The following ACAT1 variants were observed in gnomAD, a reference collection of about 807,000 sequenced individuals.
The protein encoded by ACAT1 is acetyl-CoA acetyltransferase, mitochondrial.
Under a neutral mutation model 47.3 loss-of-function variants are expected in ACAT1, and 28 were observed. The ratio of observed to expected loss-of-function variants is 0.59; its 90% CI spans 0.44 to 0.81. The LOEUF (loss-of-function observed/expected upper bound fraction) is 0.81, where lower values mean the gene tolerates loss of function less well. Among genes scored for constraint, ACAT1 ranks in the 30% least tolerant of loss-of-function variants. The pLI is 0.00. For synonymous variants in ACAT1, 181 were observed against 173.6 expected (o/e 1.04, Z -0.34); for missense variants, 469 against 524.3 (o/e 0.89, Z 1.03).
At chr11:108,124,373 C>T (rs529530652) in intron 1 of ACAT1, among the ~76,000 whole-genome samples, 1 of 152,186 alleles carries the variant, frequency 6.6e-6, no homozygotes, top group Non-Finnish European at 1.5e-5. Context: ...AAGCAGTTCT[C>T]CTGCCTCAGC....
intron 4 of ACAT1, 148 bp downstream of exon 4, chr11:108,134,464 GA>G (rs759335345): frequency 2.5e-4 from 142 of 577,524 alleles, no homozygotes; most frequent in Admixed American, 4.4e-4. Context: ...CCAACATGGT[GA>G]AACCCCGTCT....
At position 108,147,385 on chromosome 11, in the gene ACAT1, C is replaced by A. The variant is rs201500937; in HGVS notation, c.1279C>A (p.Leu427Met). Residue 427 changes from leucine to methionine, a missense_variant, in exon 12 of 12, where the codon CTG (leucine) becomes ATG (methionine). By Grantham distance (15) the Leu-to-Met change is conservative. Coordinates refer to ENST00000265838, the MANE Select transcript of ACAT1 (RefSeq NM_000019.4). ...GGASAMLIQK[L>M] ...TGCTTCTGCCATGCTAATTCAGAAG[C>A]TGTAGACAACCTCTGCTATTTAAGG... 3.3e-5 allele frequency: 54 copies of A among 1,613,298 alleles called. No homozygotes were observed. Among genetic ancestry groups the A allele is most frequent in the Admixed American group, 1.2e-4 (7 of 59,982 alleles).
intron 1 of ACAT1, among the ~76,000 whole-genome samples, chr11:108,122,998 G>C (rs1161173307): frequency 6.6e-6 from 1 of 152,168 alleles, no homozygotes; most frequent in Non-Finnish European, 1.5e-5. Context: ...GCCGGGGTGG[G>C]TAGATCATTT....
intron 5 of ACAT1, among the ~76,000 whole-genome samples, chr11:108,135,446 T>C (rs1037815019): frequency 6.6e-6 from 1 of 151,942 alleles, no homozygotes; most frequent in Non-Finnish European, 1.5e-5. Context: ...ATCATGTCTG[T>C]AAGCACTTTG....
At chr11:108,120,491 T>C (rs952336827), upstream of ACAT1, among the ~76,000 whole-genome samples, 1 of 151,516 alleles carries the variant, frequency 6.6e-6, no homozygotes, top group Non-Finnish European at 1.5e-5. Context: ...CAGTGAGATA[T>C]GATTGCACCA....
rs111849528 is a variant in ACAT1, at chr11:108,147,256, T to C, written c.1164-14T>C. On this transcript the variant is annotated splice_polypyrimidine_tract_variant and intron_variant, in intron 11 of 11. Coordinates refer to ENST00000265838, the MANE Select transcript of ACAT1 (RefSeq NM_000019.4). Reference sequence around the variant, plus strand: ...TGTACTTCATTAAAGAAGTAAATGCTTTCTTAATTTTAGGATGTCTGGAGC... The same window carrying C: ...TGTACTTCATTAAAGAAGTAAATGCCTTCTTAATTTTAGGATGTCTGGAGC... 3.3e-5 allele frequency: 54 copies of C among 1,613,566 alleles called. No individual in the cohort carries two copies. In the African/African-American group the frequency reaches 5.6e-4, roughly 17 times the overall value.
At chr11:108,134,806 G>C (rs540650062) in intron 4 of ACAT1, among the ~76,000 whole-genome samples, 54 of 150,918 alleles carry the variant, frequency 3.6e-4, no homozygotes, top group African/African-American at 1.3e-3. Flanking sequence ...TTAGTTGGGC[G>C]TGGTGGCCAG....
chr11:108,121,006 G>T (rs564320702), upstream of ACAT1, among the ~76,000 whole-genome samples: 13 of 152,152 alleles, frequency 8.5e-5, no homozygotes, highest in African/African-American at 2.9e-4. Flanking sequence ...TTCAAGACCA[G>T]TCTGGCCAAC....
At chr11:108,131,831 C>T (rs2077365909) in intron 1 of ACAT1, 76 bp from the exon 2 acceptor site, 3 of 684,570 alleles carry the variant, frequency 4.4e-6, no homozygotes, top group Non-Finnish European at 6.7e-6. Context: ...ACCACTATAA[C>T]CTTATCACTG....
Position 108,141,690 on chromosome 11 carries a change from G to T in ACAT1, c.816G>T (p.Gln272His), listed in dbSNP as rs139120939. 1.6e-4 allele frequency: 250 copies of T among 1,611,364 alleles called. No homozygotes were observed. Among genetic ancestry groups the T allele is most frequent in the Middle Eastern group, 1.3e-3 (8 of 6,044 alleles). Residue 272 changes from glutamine (Q) to histidine (H), a missense_variant, in exon 8 of 12, where the codon CAG becomes CAT. Gln to His is a conservative substitution (Grantham distance 24). Coordinates refer to ENST00000265838, the MANE Select transcript of ACAT1 (RefSeq NM_000019.4). Reference protein sequence around the residue: ...SKVPKLKTVFQKENGTVTAAN... With the variant: ...SKVPKLKTVFHKENGTVTAAN... ...TTCCAAAGCTGAAGACAGTTTTCCA[G>T]AAAGAAAATGGTTAGTGTTAAGAAA...
chr11:108,142,477 A>C lies in ACAT1; in HGVS notation c.867A>C (p.Gly289=), dbSNP rs201725995. The C allele has an allele frequency of 1.9e-6, 3 of 1,614,178 alleles. No individual in the cohort carries two copies. Among genetic ancestry groups the C allele is most frequent in the East Asian group, 4.5e-5 (2 of 44,882 alleles). The change falls in exon 9 of 12, where the codon GGA becomes GGC. Residue 289 remains glycine (G), a synonymous_variant. Transcript: ENST00000265838. ...CCAATGCCAGTACACTGAATGATGG[A>C]GCAGCTGCTCTGGTTCTCATGACGG... ...TAANASTLND[G]AAALVLMTAD...
At chr11:108,145,208 CAA>C (rs1211934793) in intron 10 of ACAT1, among the ~76,000 whole-genome samples, 1 of 152,080 alleles carries the variant, frequency 6.6e-6, no homozygotes, top group African/African-American at 2.4e-5. Context: ...ACTACCAAAA[CAA>C]AACAGATCAT....
Position 108,143,999 on chromosome 11 carries a change from T to C in ACAT1, c.957T>C (p.Ala319=). 1.4e-6 allele frequency: 1 copy of C among 711,948 alleles called. No homozygotes were observed. Among genetic ancestry groups the C allele is most frequent in the Non-Finnish European group, 2.3e-6 (1 of 430,658 alleles). 44.1% of individuals were successfully genotyped at this position (711,948 alleles called of 1,614,324 possible). ...LARIVAFADA[A]VEPIDFPIAP... is the part of the protein sequence containing the mutation. ...TTTAAACAGCATTTGCTGACGCTGC[T>C]GTAGAACCTATTGATTTTCCAATTG... Residue 319 remains alanine (A), a synonymous_variant, in exon 10 of 12, where the codon GCT becomes GCC. Coordinates refer to ENST00000265838, the MANE Select transcript of ACAT1 (RefSeq NM_000019.4).
chr11:108,127,635 G>T (rs2077276344), intron 1 of ACAT1, among the ~76,000 whole-genome samples: 1 of 152,088 alleles, frequency 6.6e-6, no homozygotes, highest in Non-Finnish European at 1.5e-5. Context: ...AATTAAAAGA[G>T]GCCTGGAACA....
Position 108,141,697 on chromosome 11 carries a change from A to G in ACAT1, c.823A>G (p.Asn275Asp). The change falls in exon 8 of 12, where the codon AAT becomes GAT. Residue 275 changes from asparagine to aspartate, a missense_variant. By Grantham distance (23) the Asn-to-Asp change is conservative. Coordinates refer to ENST00000265838, the MANE Select transcript of ACAT1 (RefSeq NM_000019.4). Reference sequence around the variant, plus strand: ...GCTGAAGACAGTTTTCCAGAAAGAAAATGGTTAGTGTTAAGAAATGAAGCA... The same window carrying G: ...GCTGAAGACAGTTTTCCAGAAAGAAGATGGTTAGTGTTAAGAAATGAAGCA... ...PKLKTVFQKE[N>D]GTVTAANAST... 1 of 1,609,904 alleles carries G rather than the reference A, an allele frequency of 6.2e-7. No individual in the cohort carries two copies. Among genetic ancestry groups the G allele is most frequent in the Non-Finnish European group, 8.5e-7 (1 of 1,176,510 alleles).
rs372836412 is a variant in ACAT1 at position 108,135,155 on chromosome 11, T to C, written c.348T>C (p.Ser116=). Residue 116 remains serine, a synonymous_variant, in exon 5 of 12, where the codon TCT becomes TCC. Transcript: ENST00000265838. ...QAVLGAGLPI[S]TPCTTINKVC... The stretch of plus-strand genomic sequence containing the variant: ...TATTGGTTTTAGGCTTACCTATTTC[T>C]ACTCCATGTACCACCATAAACAAAG... 3 of 1,613,354 alleles carry C rather than the reference T, an allele frequency of 1.9e-6. No homozygotes were observed. Among genetic ancestry groups the C allele is most frequent in the Admixed American group, 1.7e-5 (1 of 59,984 alleles).
At chr11:108,136,140 A>G (rs1393956836) in intron 5 of ACAT1, 3 of 661,056 alleles carry the variant, frequency 4.5e-6, no homozygotes, top group Non-Finnish European at 8.0e-6. Flanking sequence ...GACACACAGA[A>G]GAATCAAGAT....
At chr11:108,146,945 T>C (rs2077725964) in intron 11 of ACAT1, among the ~76,000 whole-genome samples, 1 of 152,182 alleles carries the variant, frequency 6.6e-6, no homozygotes, top group Non-Finnish European at 1.5e-5. Flanking sequence ...CTGGGTGTGG[T>C]GGTGCACGCC....
At position 108,123,757 on chromosome 11, in the gene ACAT1, C is replaced by T. The variant is rs575854606; in HGVS notation, c.72+2079C>T. ...GTCTGGTTCTGTTGGCCAGGCTGGT[C>T]TTGAACTCCTGGCCTGCCAAAGTGC... is the stretch of plus-strand genomic sequence containing the variant. On this transcript the variant is annotated intron_variant, in intron 1 of 11. Transcript: ENST00000265838. Among the ~76,000 whole-genome samples, 47 of 152,112 alleles carry T rather than the reference C, an allele frequency of 3.1e-4. No individual in the cohort carries two copies. The South Asian group carries it at 3.7e-3, about 12-fold the overall frequency.
Sources: gnomAD v4.1 joint callset for allele counts (sites outside exome capture counted in the v4.1 genomes callset) on GRCh38, gnomAD v4.1.1 for gene constraint, MANE v1.5 for transcripts, NCBI Gene and HGNC (gene_info 2026-07-23, HGNC 2026-07-21) for gene names.